Variants in CSMD1 observed in about 807,000 individuals in gnomAD.
CSMD1 encodes the protein CUB and Sushi multiple domains 1, also known as CUB and sushi domain-containing protein 1.
In CSMD1, 213 loss-of-function variants were observed where a neutral mutation model predicts 417.5. That is an observed-to-expected ratio of 0.51 (90% CI 0.46 to 0.57). CSMD1 has a LOEUF of 0.57. CSMD1 is among the 20% of genes least tolerant of loss of function. The pLI is 0.00. For synonymous variants in CSMD1, 2,862 were observed against 1,736.8 expected, an observed-to-expected ratio of 1.65 and a Z score of -16.11; for missense variants, 6,923 against 4,529.7, an observed-to-expected ratio of 1.53 and a Z score of -15.17.
intron 7 of CSMD1, among the ~76,000 whole-genome samples, chr8:3,651,779 C>T (rs1460298600): frequency 6.6e-6 from 1 of 151,762 alleles, no homozygotes; most frequent in Non-Finnish European, 1.5e-5. Flanking sequence ...CGCCTACCAC[C>T]ATCAGAGCAC....
At chr8:4,471,138 G>A (rs967434343) in intron 2 of CSMD1, among the ~76,000 whole-genome samples, 1 of 152,042 alleles carries the variant, frequency 6.6e-6, no homozygotes, top group African/African-American at 2.4e-5. Flanking sequence ...TCCTTCAACA[G>A]AACAGAACCA....
chr8:3,975,374 T>C (rs1334916112), intron 5 of CSMD1, among the ~76,000 whole-genome samples: 3 of 152,172 alleles, frequency 2.0e-5, no homozygotes, highest in African/African-American at 7.2e-5. Context: ...TGTTTCTTTT[T>C]ATGATATGAG....
At chr8:3,249,955 G>C (rs565534046) in intron 26 of CSMD1, among the ~76,000 whole-genome samples, 1 of 152,162 alleles carries the variant, frequency 6.6e-6, no homozygotes, top group Non-Finnish European at 1.5e-5. Context: ...ATTATATTTT[G>C]CATGTCAGGT....
At chr8:4,454,373 CTT>C (rs905975572) in intron 2 of CSMD1, among the ~76,000 whole-genome samples, 2 of 152,118 alleles carry the variant, frequency 1.3e-5, no homozygotes, top group African/African-American at 4.8e-5. Context: ...ACACATACCT[CTT>C]GATTTTCAAA....
intron 3 of CSMD1, among the ~76,000 whole-genome samples, chr8:4,331,036 G>T (rs1455600150): frequency 6.6e-6 from 1 of 152,100 alleles, no homozygotes; most frequent in Non-Finnish European, 1.5e-5. Flanking sequence ...TACACATACT[G>T]CAGATTCAAT....
intron 2 of CSMD1, among the ~76,000 whole-genome samples, chr8:4,473,651 T>C (rs1800650807): frequency 6.6e-6 from 1 of 152,116 alleles, no homozygotes; most frequent in Admixed American, 6.6e-5. Flanking sequence ...CCTTTATCTG[T>C]GAAAACAAAG....
chr8:4,201,118 G>A (rs1296944235), intron 3 of CSMD1, among the ~76,000 whole-genome samples: 1 of 152,146 alleles, frequency 6.6e-6, no homozygotes, highest in African/African-American at 2.4e-5. Flanking sequence ...CAGTGACTTT[G>A]CATATCAATT....
chr8:4,906,116 A>G (rs1585302480), intron 1 of CSMD1, among the ~76,000 whole-genome samples: 1 of 152,184 alleles, frequency 6.6e-6, no homozygotes, highest in African/African-American at 2.4e-5. Context: ...TGTATGATAT[A>G]TGGTAGGTTT....
Position 4,083,826 on chromosome 8 carries a change from C to G in CSMD1, c.416-51727G>C, listed in dbSNP as rs562224701. Among the ~76,000 whole-genome samples, 328 of 151,850 alleles carry G rather than the reference C, an allele frequency of 2.2e-3. 1 individual carries two copies. Among genetic ancestry groups the G allele is most frequent in the African/African-American group, 7.1e-3 (295 of 41,426 alleles). On this transcript the variant is annotated intron_variant, in intron 3 of 69. Coordinates refer to ENST00000635120, the MANE Select transcript of CSMD1 (RefSeq NM_033225.6). ...ACACCAAAAGCAATGGCAACAAAAGCCAAAATTGACAAATGGGATCTAATT... is the reference window on the plus strand; with the variant it reads ...ACACCAAAAGCAATGGCAACAAAAGGCAAAATTGACAAATGGGATCTAATT...
chr8:3,113,161 C>G (rs1816634347), intron 42 of CSMD1: 1 of 152,210 alleles, frequency 6.6e-6, no homozygotes, highest in Middle Eastern at 3.2e-3. Context: ...GGACTGAGAT[C>G]AAAGAGGAAG....
chr8:3,024,695 C>A (rs959636493), intron 51 of CSMD1, among the ~76,000 whole-genome samples: 6 of 152,154 alleles, frequency 3.9e-5, no homozygotes, highest in African/African-American at 1.4e-4. Context: ...CACCACATTG[C>A]CTGTGTTTTC....
intron 5 of CSMD1, among the ~76,000 whole-genome samples, chr8:3,990,940 A>G (rs978427794): frequency 1.3e-5 from 2 of 152,140 alleles, no homozygotes; most frequent in Non-Finnish European, 2.9e-5. Context: ...TGAAAGCATC[A>G]TCTCTAGATG....
At chr8:3,454,035 C>T (rs1198030068) in intron 12 of CSMD1, among the ~76,000 whole-genome samples, 1 of 152,174 alleles carries the variant, frequency 6.6e-6, no homozygotes, top group Non-Finnish European at 1.5e-5. Context: ...GTTAGCTCTT[C>T]TTGTTGAATT....
chr8:3,896,178 A>C (rs1807349065), intron 5 of CSMD1, among the ~76,000 whole-genome samples: 2 of 152,180 alleles, frequency 1.3e-5, no homozygotes, highest in African/African-American at 4.8e-5. Context: ...CACAACAAAA[A>C]CATGATCTAG....
rs1801604466 is a variant in CSMD1 at position 2,937,903 on chromosome 8, G to GA, written c.*681dup. On this transcript the variant is annotated 3_prime_UTR_variant, in exon 70 of 70. Transcript: ENST00000635120. Reference sequence around the variant, plus strand: ...TGTAAATAATTTATTTTTTTTATCAGAATCTTAGTCATTCATAACACACTA... The same window carrying GA: ...TGTAAATAATTTATTTTTTTTATCAGAAATCTTAGTCATTCATAACACACTA... 6.6e-6 allele frequency: 1 copy of GA among 152,410 alleles called. No homozygotes were observed. The highest frequency in any genetic ancestry group is 1.5e-5 in the Non-Finnish European group (1 of 68,012). The allele number at this position is 152,410 out of a possible 1,614,324, so 9.4% of individuals were successfully genotyped here. A position where few individuals can be genotyped will look rare whatever the true frequency, so the allele number is the denominator to read the frequency against.
At chr8:3,620,541 G>C (rs1375261880) in intron 7 of CSMD1, among the ~76,000 whole-genome samples, 3 of 152,138 alleles carry the variant, frequency 2.0e-5, no homozygotes, top group Admixed American at 2.0e-4. Context: ...GAGCAGACTT[G>C]TAAGGATTGA....
intron 40 of CSMD1, among the ~76,000 whole-genome samples, chr8:3,146,466 G>T (rs1005182482): frequency 2.0e-5 from 3 of 152,000 alleles, no homozygotes; most frequent in Non-Finnish European, 4.4e-5. Context: ...ATAGCCCTAT[G>T]GGACTGATAT....
At position 3,693,183 on chromosome 8, in the gene CSMD1, G is replaced by T. The variant is rs183052379; in HGVS notation, c.1009+15231C>A. ...TGCTATAGTGAGTAAAATTGGTCAG[G>T]AGTCAATGAATCAATACTGTTCATC... On this transcript the variant is annotated intron_variant, in intron 7 of 69. Coordinates refer to ENST00000635120, the MANE Select transcript of CSMD1 (RefSeq NM_033225.6). 4.4e-3 allele frequency among the ~76,000 whole-genome samples: 663 copies of T among 152,240 alleles called. 2 individuals carry two copies. The highest frequency in any genetic ancestry group is 0.027 in the Middle Eastern group (8 of 294).
intron 3 of CSMD1, among the ~76,000 whole-genome samples, chr8:4,306,046 C>G (rs1798224264): frequency 1.3e-5 from 2 of 152,110 alleles, no homozygotes; most frequent in African/African-American, 4.8e-5. Context: ...ATTAAGTATG[C>G]ACATTACTGG....
Sources: gnomAD v4.1 joint callset for allele counts (sites outside exome capture counted in the v4.1 genomes callset) on GRCh38, gnomAD v4.1.1 for gene constraint, MANE v1.5 for transcripts, NCBI Gene and HGNC (gene_info 2026-07-23, HGNC 2026-07-21) for gene names.